The following ABCA8 variants were observed in gnomAD, a reference collection of about 807,000 sequenced individuals.
ABCA8 encodes ABC-type organic anion transporter ABCA8.
In ABCA8, 177 loss-of-function variants were observed where a neutral mutation model predicts 192.3. The observed-to-expected ratio is 0.92, with a 90% CI of 0.81 to 1.04. The LOEUF (loss-of-function observed/expected upper bound fraction) is 1.04. Ranked by LOEUF, ABCA8 falls within the 50% of genes least tolerant of loss-of-function variation. The pLI is 0.00. For missense variants in ABCA8, 1,915 were observed against 1,904.8 expected (o/e 1.01, Z -0.10); for synonymous variants, 642 against 690.2 (o/e 0.93, Z 1.09).
intron 24 of ABCA8, 117 bp from the exon 25 acceptor site, chr17:68,887,623 A>G (rs1208152130): frequency 1.2e-6 from 1 of 861,130 alleles, no homozygotes; most frequent in African/African-American, 1.7e-5. Flanking sequence ...CTACAAATGT[A>G]ATCTGGACTA....
chr17:68,935,449 T>C (rs1353040106), intron 5 of ABCA8, among the ~76,000 whole-genome samples: 1 of 150,798 alleles, frequency 6.6e-6, no homozygotes, highest in Non-Finnish European at 1.5e-5. Context: ...TATTTTTCAC[T>C]ATCTCTATGG....
chr17:68,896,906 C>G (rs1373935756), intron 21 of ABCA8, among the ~76,000 whole-genome samples: 1 of 152,168 alleles, frequency 6.6e-6, no homozygotes, highest in African/African-American at 2.4e-5. Flanking sequence ...TGTTGCACCT[C>G]AAACTGTAGA....
chr17:68,907,993 A>C, intron 17 of ABCA8, 114 bp from the exon 18 acceptor site: 1 of 1,021,606 alleles, frequency 9.8e-7, no homozygotes, highest in Non-Finnish European at 1.3e-6. Flanking sequence ...ATCTAATGCC[A>C]GAAATAGGTC....
intron 15 of ABCA8, 113 bp from the exon 16 acceptor site, chr17:68,918,298 GATACTCTATT>G: frequency 2.0e-6 from 3 of 1,479,320 alleles, no homozygotes; most frequent in Non-Finnish European, 1.8e-6. Flanking sequence ...TTAGGATTTA[GATACTCTATT>G]TAATGTTCTA....
intron 21 of ABCA8, among the ~76,000 whole-genome samples, chr17:68,900,503 T>C (rs1449370340): frequency 8.8e-6 from 1 of 114,262 alleles, no homozygotes; most frequent in Non-Finnish European, 1.8e-5. Flanking sequence ...CATTTCTACC[T>C]AATAAACAAA....
In ABCA8 at chr17:68,887,566, G is replaced by A. The variant is rs1053348855; in HGVS notation, c.3145-60C>T. ...GCTTAAGAATATGTGGATTATGCAA[G>A]GAACTATTCAAACAAAACCTTTATT... On this transcript the variant is annotated intron_variant, in intron 24 of 39. Coordinates refer to ENST00000586539, the MANE Select transcript of ABCA8 (RefSeq NM_001288985.2). The A allele has an allele frequency of 7.0e-6, 10 of 1,424,798 alleles. No homozygotes were observed. The African/African-American group carries it at 1.3e-4, about 19-fold the overall frequency. The allele number at this position is 1,424,798 out of a possible 1,614,324, so 88.3% of individuals were successfully genotyped here.
intron 24 of ABCA8, among the ~76,000 whole-genome samples, chr17:68,887,922 AT>A (rs2066522561): frequency 1.0e-5 from 1 of 95,798 alleles, no homozygotes; most frequent in Admixed American, 1.2e-4. Context: ...ATATATATAT[AT>A]ATTATATATG....
In ABCA8 at chr17:68,875,595, G is replaced by C; in HGVS notation, c.4490+19C>G. The C allele has an allele frequency of 1.2e-6, 2 of 1,612,540 alleles. No homozygotes were observed. Among genetic ancestry groups the C allele is most frequent in the Non-Finnish European group, 1.7e-6 (2 of 1,179,348 alleles). On this transcript the variant is annotated intron_variant, in intron 36 of 39. Coordinates refer to ENST00000586539, the MANE Select transcript of ABCA8 (RefSeq NM_001288985.2). ...CAATGCACCTTGGGCTCAAGTGTGG[G>C]TCCAGGACAGGCACTCACCTCAACC... is the stretch of plus-strand genomic sequence containing the variant.
intron 5 of ABCA8, 76 bp downstream of exon 5, chr17:68,936,874 AC>A: frequency 7.7e-7 from 1 of 1,301,566 alleles, no homozygotes; most frequent in Admixed American, 2.7e-5. Flanking sequence ...AATTTGGCAT[AC>A]TAACCTCTAT....
intron 23 of ABCA8, 55 bp from the exon 24 acceptor site, chr17:68,891,651 C>A: frequency 7.4e-7 from 1 of 1,353,760 alleles, no homozygotes; most frequent in East Asian, 2.4e-5. Flanking sequence ...AGTTAATTTT[C>A]TGGAATACAT....
chr17:68,940,058 C>T (rs1345605222), intron 4 of ABCA8, among the ~76,000 whole-genome samples: 1 of 152,098 alleles, frequency 6.6e-6, no homozygotes. Context: ...GTCTAGTTCT[C>T]TTGCCTTTGT....
chr17:68,929,360 A>G (rs1336148878), intron 8 of ABCA8, 126 bp from the exon 9 acceptor site: 56 of 1,045,510 alleles, frequency 5.4e-5, no homozygotes, highest in Non-Finnish European at 7.0e-5. Flanking sequence ...TATTTTGTAT[A>G]TAACATACAA....
intron 5 of ABCA8, among the ~76,000 whole-genome samples, chr17:68,933,581 T>C (rs2067971413): frequency 6.6e-6 from 1 of 152,200 alleles, no homozygotes; most frequent in African/African-American, 2.4e-5. Flanking sequence ...CTTTTCTGAT[T>C]TGTATTGTGA....
rs768760779 is a variant in ABCA8, at chr17:68,894,998, T to A, written c.2780A>T (p.Asp927Val). The A allele has an allele frequency of 3.7e-6, 6 of 1,608,538 alleles. No individual in the cohort carries two copies. Among genetic ancestry groups the A allele is most frequent in the Non-Finnish European group, 5.1e-6 (6 of 1,178,194 alleles). The change falls in exon 22 of 40, where the codon GAC (aspartate) becomes GTC (valine). Residue 927 changes from aspartate to valine, a missense_variant. Physicochemically the swap from Asp to Val is radical, Grantham distance 152. Coordinates refer to ENST00000586539, the MANE Select transcript of ABCA8 (RefSeq NM_001288985.2). ...IINKTGASID[D>V]FIQSVEHQNI... ...CTGGTGCTCCACAGACTGTATAAAG[T>A]CATCAATGCTTGCCCCTAAGGTGTA...
At chr17:68,948,624 G>A (rs2068482402) in intron 2 of ABCA8, among the ~76,000 whole-genome samples, 1 of 151,984 alleles carries the variant, frequency 6.6e-6, no homozygotes, top group South Asian at 2.1e-4. Context: ...TAATTTCCTT[G>A]TAGATTCTAG....
intron 13 of ABCA8, among the ~76,000 whole-genome samples, chr17:68,920,169 AT>A (rs1193228901): frequency 6.6e-6 from 1 of 152,196 alleles, no homozygotes. Flanking sequence ...GAAATACCAT[AT>A]GTTCTCACTT....
rs2067227008 is a variant in ABCA8, at chr17:68,911,533, C to G, written c.2139-3654G>C. ...GCTTGCCACCATAAAGGGAAGGACA[C>G]AGGCCTGGCTGTATTTGCCACCTGC... is the stretch of plus-strand genomic sequence containing the variant. On this transcript the variant is annotated intron_variant, in intron 17 of 39. Transcript: ENST00000586539. The surrounding 1 kb of genome is among the most constrained non-coding windows in gnomAD (Gnocchi z 5.7). 6.6e-6 allele frequency among the ~76,000 whole-genome samples: 1 copy of G among 152,106 alleles called. No homozygotes were observed. The highest frequency in any genetic ancestry group is 1.5e-5 in the Non-Finnish European group (1 of 68,014).
intron 5 of ABCA8, among the ~76,000 whole-genome samples, chr17:68,936,357 A>G (rs1339415940): frequency 2.0e-5 from 3 of 152,036 alleles, no homozygotes; most frequent in African/African-American, 7.2e-5. Context: ...ATTTTTGTAT[A>G]TGGTGAGAGA....
chr17:68,924,481 A>G (rs2067639290), intron 11 of ABCA8, among the ~76,000 whole-genome samples: 1 of 152,176 alleles, frequency 6.6e-6, no homozygotes, highest in South Asian at 2.1e-4. Context: ...TTAGCTGGTA[A>G]AATTTAAGCT....
Sources: allele counts gnomAD v4.1 joint callset (sites outside exome capture counted in the v4.1 genomes callset), GRCh38; gene constraint gnomAD v4.1.1; non-coding constraint Gnocchi (gnomAD v3.1); transcripts MANE v1.5; gene names NCBI Gene and HGNC (gene_info 2026-07-23, HGNC 2026-07-21).